The following WWP2 variants were observed in gnomAD, a reference collection of about 807,000 sequenced individuals.
WWP2 encodes NEDD4-like E3 ubiquitin-protein ligase WWP2.
In WWP2, 57 loss-of-function variants were observed where a neutral mutation model predicts 121.0. The ratio of observed to expected loss-of-function variants is 0.47; its 90% CI spans 0.38 to 0.59. The LOEUF (loss-of-function observed/expected upper bound fraction) is 0.59. WWP2 is among the 20% of genes least tolerant of loss of function. The probability of loss-of-function intolerance (pLI) is 0.00; values close to 1 mark genes in which losing one functional copy is unlikely to be tolerated. For synonymous variants in WWP2, 449 were observed against 441.3 expected (o/e 1.02, Z -0.22); for missense variants, 962 against 1,158.9 (o/e 0.83, Z 2.47).
Position 69,935,999 on chromosome 16 carries a change from C to G in WWP2, c.1976+13C>G. 1.2e-6 allele frequency: 2 copies of G among 1,612,666 alleles called. No individual in the cohort carries two copies. Among genetic ancestry groups the G allele is most frequent in the Non-Finnish European group, 1.7e-6 (2 of 1,179,396 alleles). On this transcript the variant is annotated intron_variant, in intron 18 of 23. Transcript: ENST00000359154. This position sits in a 1 kb window ranked among gnomAD's most constrained non-coding sequence, Gnocchi z 5.2. ...TTGTCTGGATCAAGTGAGTTCCCTGCCCCCTTGCCCCACCGCGCTGATAGG... is the reference window on the plus strand; with the variant it reads ...TTGTCTGGATCAAGTGAGTTCCCTGGCCCCTTGCCCCACCGCGCTGATAGG...
At position 69,930,181 on chromosome 16, in the gene WWP2, C is replaced by T. The variant is rs1048920359; in HGVS notation, c.1368C>T (p.Ser456=). ...LPPGWEMKYT[S]EGVRYFVDHN... The stretch of plus-strand genomic sequence containing the variant: ...CAGGATGGGAGATGAAATACACCAG[C>T]GAGGGGGTGCGATACTTTGTGGACC... Residue 456 remains serine, a synonymous_variant, in exon 13 of 24, where the codon AGC becomes AGT. Coordinates refer to ENST00000359154, the MANE Select transcript of WWP2 (RefSeq NM_001270454.2). 5.6e-6 allele frequency: 9 copies of T among 1,613,856 alleles called. No homozygotes were observed. Among genetic ancestry groups the T allele is most frequent in the African/African-American group, 4.0e-5 (3 of 74,904 alleles).
At chr16:69,932,674 G>A (rs759188858) in intron 16 of WWP2, among the ~76,000 whole-genome samples, 1 of 152,176 alleles carries the variant, frequency 6.6e-6, no homozygotes, top group Non-Finnish European at 1.5e-5. Flanking sequence ...GCTGTGTCAC[G>A]ATCCACAGGG....
At chr16:69,903,907 G>C (rs1942346980) in intron 8 of WWP2, among the ~76,000 whole-genome samples, 1 of 152,166 alleles carries the variant, frequency 6.6e-6, no homozygotes, top group South Asian at 2.1e-4. Flanking sequence ...TGAAAAATGA[G>C]CGTACTAGTA....
intron 1 of WWP2, among the ~76,000 whole-genome samples, chr16:69,773,104 C>T (rs1356051174): frequency 2.6e-5 from 4 of 151,992 alleles, no homozygotes; most frequent in African/African-American, 4.8e-5. Context: ...ACGCTAGTGT[C>T]GCTACTACTT....
chr16:69,916,525 G>A (rs758708587), intron 9 of WWP2, among the ~76,000 whole-genome samples: 4 of 152,150 alleles, frequency 2.6e-5, no homozygotes, highest in African/African-American at 4.8e-5. Context: ...TCTGGGGTAG[G>A]AGCAGTAGTC....
intron 15 of WWP2, 54 bp downstream of exon 15, chr16:69,931,634 C>T (rs1247368685): frequency 1.1e-5 from 18 of 1,608,822 alleles, no homozygotes; most frequent in South Asian, 6.6e-5. Flanking sequence ...CTCCCAGCAC[C>T]CCATCTCCTA....
rs551056157 is a variant in WWP2, at chr16:69,846,542, G to A, written c.575+4422G>A. ...TCAAGACCAGCCTGGCCAACATGGCGAAACTTCTTCTCTACTAAAAATATA... is the reference window on the plus strand; with the variant it reads ...TCAAGACCAGCCTGGCCAACATGGCAAAACTTCTTCTCTACTAAAAATATA... On this transcript the variant is annotated intron_variant, in intron 6 of 23. Transcript: ENST00000359154. Among the ~76,000 whole-genome samples, 6 of 152,186 alleles carry A rather than the reference G, an allele frequency of 3.9e-5. No individual in the cohort carries two copies. In the South Asian group the frequency reaches 6.2e-4, roughly 16 times the overall value.
At chr16:69,763,147 C>G (rs1348242196) in intron 1 of WWP2, among the ~76,000 whole-genome samples, 1 of 152,210 alleles carries the variant, frequency 6.6e-6, no homozygotes, top group African/African-American at 2.4e-5. Flanking sequence ...CCTAGCCCAG[C>G]GTTACCTCAG....
intron 6 of WWP2, among the ~76,000 whole-genome samples, chr16:69,867,434 T>C (rs1597080735): frequency 1.3e-5 from 2 of 152,120 alleles, no homozygotes; most frequent in East Asian, 3.9e-4. Flanking sequence ...CAGAAAAGGA[T>C]GATTGAGTAC....
intron 4 of WWP2, among the ~76,000 whole-genome samples, chr16:69,824,722 G>A (rs918638556): frequency 2.7e-5 from 4 of 150,826 alleles, no homozygotes; most frequent in Admixed American, 6.6e-5. Flanking sequence ...AAAAATCAAA[G>A]GGCAGAGCTT....
intron 8 of WWP2, among the ~76,000 whole-genome samples, chr16:69,889,578 A>G (rs943802209): frequency 3.9e-5 from 6 of 152,200 alleles, no homozygotes; most frequent in Non-Finnish European, 7.3e-5. Context: ...GATGGTGAAC[A>G]TGAAGCCCTC....
At position 69,859,592 on chromosome 16, in the gene WWP2, C is replaced by T. The variant is rs539360111; in HGVS notation, c.576-12212C>T. On this transcript the variant is annotated intron_variant, in intron 6 of 23. Coordinates refer to ENST00000359154, the MANE Select transcript of WWP2 (RefSeq NM_001270454.2). ...AAAAGAAAAAAAAAGTCATTCAGGTCCTTAGCTGAATTTAGTTATTTGCAG... is the reference window on the plus strand; with the variant it reads ...AAAAGAAAAAAAAAGTCATTCAGGTTCTTAGCTGAATTTAGTTATTTGCAG... Among the ~76,000 whole-genome samples the T allele has an allele frequency of 1.1e-4, 16 of 152,138 alleles. 1 individual carries two copies. The South Asian group carries it at 3.1e-3, about 30-fold the overall frequency.
In WWP2 at chr16:69,819,883, C is replaced by G. The variant is rs2056561888; in HGVS notation, c.341-20243C>G. The stretch of plus-strand genomic sequence containing the variant: ...TGAATTCCCCTTTCCACCTCCAGCC[C>G]CTGGCAACCACGAATCTACTTTGTG... On this transcript the variant is annotated intron_variant, in intron 4 of 23. Coordinates refer to ENST00000359154, the MANE Select transcript of WWP2 (RefSeq NM_001270454.2). 1.3e-5 allele frequency among the ~76,000 whole-genome samples: 2 copies of G among 152,196 alleles called. 1 individual carries two copies. The highest frequency in any genetic ancestry group is 4.1e-4 in the South Asian group (2 of 4,834).
chr16:69,817,245 G>A (rs1163441964), intron 4 of WWP2, among the ~76,000 whole-genome samples: 1 of 152,204 alleles, frequency 6.6e-6, no homozygotes, highest in East Asian at 1.9e-4. Context: ...AGTAATGGGT[G>A]TGCTTTGTTT....
chr16:69,935,751 A>G lies in WWP2; in HGVS notation c.1843-102A>G, dbSNP rs112422074. 1.3e-6 allele frequency: 2 copies of G among 1,499,460 alleles called. No individual in the cohort carries two copies. The highest frequency in any genetic ancestry group is 2.2e-5 in the Admixed American group (1 of 45,900). The allele number at this position is 1,499,460 out of a possible 1,614,324, so 92.9% of individuals were successfully genotyped here. On this transcript the variant is annotated intron_variant, in intron 17 of 23. Transcript: ENST00000359154. The surrounding 1 kb of genome is among the most constrained non-coding windows in gnomAD (Gnocchi z 5.2). ...CTGCTGTAGTTCTGTCAGGGAAGGA[A>G]GGCGGGTAGCGGTAGCAGAGTTTGA...
chr16:69,920,543 G>A (rs1351236569), intron 10 of WWP2, among the ~76,000 whole-genome samples: 1 of 151,922 alleles, frequency 6.6e-6, no homozygotes, highest in Non-Finnish European at 1.5e-5. Flanking sequence ...TGACCTATCT[G>A]TCCTTTGACT....
At chr16:69,841,081 T>A (rs550982868) in intron 5 of WWP2, among the ~76,000 whole-genome samples, 1 of 152,358 alleles carries the variant, frequency 6.6e-6, no homozygotes, top group African/African-American at 2.4e-5. Flanking sequence ...TCAACACATA[T>A]ATATGTAATT....
At position 69,841,179 on chromosome 16, in the gene WWP2, C is replaced by T. The variant is rs1049972574; in HGVS notation, c.479-845C>T. On this transcript the variant is annotated intron_variant, in intron 5 of 23. Transcript: ENST00000359154. ...CATGGTCTCCACTGCTTCAGGTTTA[C>T]AGTCTCCTTGATGAGGGCAGGGGAA... Among the ~76,000 whole-genome samples, 3 of 152,356 alleles carry T rather than the reference C, an allele frequency of 2.0e-5. No individual in the cohort carries two copies. The East Asian group carries it at 5.8e-4, about 29-fold the overall frequency.
At chr16:69,933,508 A>T (rs1286850220) in intron 16 of WWP2, among the ~76,000 whole-genome samples, 1 of 152,108 alleles carries the variant, frequency 6.6e-6, no homozygotes, top group Non-Finnish European at 1.5e-5. Flanking sequence ...TATTTACGTT[A>T]TGTTGCCCGC....
Sources: gnomAD v4.1 joint callset for allele counts (sites outside exome capture counted in the v4.1 genomes callset) on GRCh38, gnomAD v4.1.1 for gene constraint, Gnocchi (gnomAD v3.1) non-coding constraint, MANE v1.5 for transcripts, NCBI Gene and HGNC (gene_info 2026-07-23, HGNC 2026-07-21) for gene names.